Variants in ADAM22 observed in about 807,000 individuals in gnomAD.
The protein encoded by ADAM22 is ADAM metallopeptidase domain 22, also known as disintegrin and metalloproteinase domain-containing protein 22.
In ADAM22, 65 loss-of-function variants were observed where a neutral mutation model predicts 144.6. The observed-to-expected ratio is 0.45, with a 90% CI of 0.37 to 0.55. The LOEUF is 0.55. Ranked by LOEUF, ADAM22 falls within the 20% of genes least tolerant of loss-of-function variation. ADAM22 has a pLI of 0.00. For missense variants in ADAM22, 974 were observed against 1,184.9 expected, an observed-to-expected ratio of 0.82 and a Z score of 2.61; for synonymous variants, 391 against 412.6, an observed-to-expected ratio of 0.95 and a Z score of 0.63.
intron 7 of ADAM22, among the ~76,000 whole-genome samples, chr7:88,117,544 T>A (rs765691585): frequency 3.9e-5 from 6 of 152,178 alleles, no homozygotes; most frequent in Admixed American, 6.5e-5. Context: ...GCAGTGATTA[T>A]GCAGGGTGAG....
rs1840724410 is a variant in ADAM22, at chr7:87,934,608, C to T, written c.85+58C>T. 1.3e-5 allele frequency: 20 copies of T among 1,501,530 alleles called. No individual in the cohort carries two copies. The South Asian group carries it at 2.0e-4, about 15-fold the overall frequency. 93.0% of individuals were successfully genotyped at this position (1,501,530 alleles called of 1,614,324 possible). A position where few individuals can be genotyped will look rare whatever the true frequency, so the allele number is the denominator to read the frequency against. On this transcript the variant is annotated intron_variant, in intron 1 of 31. Transcript: ENST00000413139. ...TACCATTTCCCGGGAATCTTTGGAG[C>T]CCTCAGGCGTATTGAAAAGGGGGCA...
At chr7:87,975,944 T>G (rs1851805106) in intron 2 of ADAM22, among the ~76,000 whole-genome samples, 1 of 152,040 alleles carries the variant, frequency 6.6e-6, no homozygotes, top group Admixed American at 6.6e-5. Flanking sequence ...TCAAAGAGCT[T>G]TAGGTAGAGG....
At chr7:87,937,917 A>C (rs1238151312) in intron 2 of ADAM22, among the ~76,000 whole-genome samples, 1 of 152,210 alleles carries the variant, frequency 6.6e-6, no homozygotes, top group Non-Finnish European at 1.5e-5. Context: ...GTACATGTTG[A>C]TGTCTCTATC....
At chr7:88,100,313 TTTTA>T (rs1204572299) in intron 4 of ADAM22, among the ~76,000 whole-genome samples, 6 of 152,310 alleles carry the variant, frequency 3.9e-5, no homozygotes, top group Admixed American at 2.6e-4. Context: ...CTGTACTTAT[TTTTA>T]TTTTTTTGAC....
In ADAM22 at chr7:88,035,942, A is replaced by T. The variant is rs2129470236; in HGVS notation, c.324-39684A>T. ...TAGCAGTAAAAGCACAGGCAAAGTC[A>T]GGAAAAATATGGATCTGTTTAATTT... On this transcript the variant is annotated intron_variant, in intron 3 of 31. Transcript: ENST00000413139. Among the ~76,000 whole-genome samples, 2 of 152,338 alleles carry T rather than the reference A, an allele frequency of 1.3e-5. 1 individual carries two copies. The highest frequency in any genetic ancestry group is 4.1e-4 in the South Asian group (2 of 4,832).
intron 3 of ADAM22, among the ~76,000 whole-genome samples, chr7:88,038,695 C>T (rs969351887): frequency 1.1e-4 from 16 of 151,810 alleles, no homozygotes; most frequent in African/African-American, 2.7e-4. Flanking sequence ...CCTCGTGATC[C>T]GCCCGTCTCG....
At chr7:87,937,125 A>G (rs1841422621) in intron 2 of ADAM22, among the ~76,000 whole-genome samples, 1 of 151,988 alleles carries the variant, frequency 6.6e-6, no homozygotes, top group Admixed American at 6.6e-5. Flanking sequence ...CTGGCTAATT[A>G]AAAATTTGTT....
At chr7:88,059,104 G>C (rs1809068454) in intron 3 of ADAM22, among the ~76,000 whole-genome samples, 1 of 152,182 alleles carries the variant, frequency 6.6e-6, no homozygotes, top group South Asian at 2.1e-4. Context: ...TTGACACCAA[G>C]TTTATGCTGT....
At position 88,181,452 on chromosome 7, in the gene ADAM22, A is replaced by C. The variant is rs766948361; in HGVS notation, c.2496-53A>C. 7.3e-6 allele frequency: 11 copies of C among 1,513,786 alleles called. No homozygotes were observed. The South Asian group carries it at 1.1e-4, about 16-fold the overall frequency. 93.8% of individuals were successfully genotyped at this position (1,513,786 alleles called of 1,614,324 possible). ...TTAGAAGTTTTGCTTACTGATCTCA[A>C]AACATTCATTTGGTTACATTTTTGA... On this transcript the variant is annotated intron_variant, in intron 27 of 31. Transcript: ENST00000413139.
chr7:87,966,738 T>TTTTG (rs1562874415), intron 2 of ADAM22, among the ~76,000 whole-genome samples: 4 of 137,232 alleles, frequency 2.9e-5, no homozygotes, highest in African/African-American at 1.1e-4. Flanking sequence ...TTTTTTTTTT[T>TTTTG]TTTTTTTTTT....
chr7:88,051,381 A>G (rs59135798), intron 3 of ADAM22, among the ~76,000 whole-genome samples: 60,602 of 152,060 alleles, frequency 0.4, 13,363 homozygotes, highest in East Asian at 0.59. Context: ...ATAAAAAATG[A>G]TGAGTTCATG....
intron 3 of ADAM22, among the ~76,000 whole-genome samples, chr7:88,028,469 A>G (rs1237810363): frequency 2.0e-5 from 3 of 152,132 alleles, no homozygotes; most frequent in Non-Finnish European, 4.4e-5. Context: ...TATTGGATGA[A>G]ATGTTCTGTA....
Position 88,142,711 on chromosome 7 carries a change from G to A in ADAM22, c.1221-315G>A, listed in dbSNP as rs184191556. On this transcript the variant is annotated intron_variant, in intron 14 of 31. Transcript: ENST00000413139. Reference sequence around the variant, plus strand: ...AAATTAGCTGGGCATGGTGGCGGGCGCCTGTAGTCCCAGCTACTCGGGAGG... The same window carrying A: ...AAATTAGCTGGGCATGGTGGCGGGCACCTGTAGTCCCAGCTACTCGGGAGG... Among the ~76,000 whole-genome samples the A allele has an allele frequency of 2.0e-3, 311 of 152,034 alleles. 2 individuals carry two copies. The highest frequency in any genetic ancestry group is 7.1e-3 in the African/African-American group (296 of 41,474).
chr7:88,121,623 C>CCT (rs1829325353), intron 7 of ADAM22, among the ~76,000 whole-genome samples: 2 of 152,050 alleles, frequency 1.3e-5, no homozygotes, highest in African/African-American at 4.8e-5. Flanking sequence ...TGTTGTCAGG[C>CCT]CTCAGTACCT....
intron 4 of ADAM22, among the ~76,000 whole-genome samples, chr7:88,087,205 G>A (rs1306859679): frequency 6.6e-6 from 1 of 151,920 alleles, no homozygotes; most frequent in Non-Finnish European, 1.5e-5. Flanking sequence ...TAAAATAAGA[G>A]GCATAAAAAT....
intron 2 of ADAM22, among the ~76,000 whole-genome samples, chr7:87,974,928 C>G (rs577851853): frequency 1.2e-4 from 18 of 152,274 alleles, no homozygotes; most frequent in South Asian, 4.1e-4. Flanking sequence ...ACCTTCTTCT[C>G]TGGTTTTAAC....
At chr7:87,983,802 CA>C (rs1408110245) in intron 3 of ADAM22, among the ~76,000 whole-genome samples, 2 of 151,888 alleles carry the variant, frequency 1.3e-5, no homozygotes, top group Non-Finnish European at 2.9e-5. Context: ...TGTGTTAAAG[CA>C]ATATCTTTTG....
intron 4 of ADAM22, among the ~76,000 whole-genome samples, chr7:88,106,106 C>T (rs1186022969): frequency 6.6e-6 from 1 of 152,142 alleles, no homozygotes; most frequent in Non-Finnish European, 1.5e-5. Context: ...ACTGGTGCTC[C>T]ACATGAAGTC....
At chr7:88,160,639 C>T (rs1470788366) in intron 22 of ADAM22, among the ~76,000 whole-genome samples, 1 of 152,104 alleles carries the variant, frequency 6.6e-6, no homozygotes, top group East Asian at 1.9e-4. Context: ...GATTATAAAT[C>T]ATGCTGCTAT....
Sources: allele counts gnomAD v4.1 joint callset (sites outside exome capture counted in the v4.1 genomes callset), GRCh38; gene constraint gnomAD v4.1.1; transcripts MANE v1.5; gene names NCBI Gene and HGNC (gene_info 2026-07-23, HGNC 2026-07-21).